CEP128: variants seen among roughly 807,000 people sequenced by gnomAD.
CEP128 encodes centrosomal protein 128, also known as centrosomal protein 128kDa.
CEP128 carries 132 observed loss-of-function variants against 156.7 expected under a neutral mutation model. The ratio of observed to expected loss-of-function variants is 0.84; its 90% confidence interval spans 0.73 to 0.97. CEP128 has a LOEUF of 0.97. Among genes scored for constraint, CEP128 ranks in the 50% least tolerant of loss-of-function variants. CEP128 has a pLI of 0.00. For synonymous variants in CEP128, 469 were observed against 448.9 expected, an observed-to-expected ratio of 1.04 and a Z score of -0.57; for missense variants, 1,252 against 1,281.9, an observed-to-expected ratio of 0.98 and a Z score of 0.36.
At chr14:80,643,069 A>T (rs1894490004) in intron 19 of CEP128, among the ~76,000 whole-genome samples, 1 of 152,188 alleles carries the variant, frequency 6.6e-6, no homozygotes, top group Non-Finnish European at 1.5e-5. Flanking sequence ...ACATATATTA[A>T]GGGTACCTCA....
chr14:80,909,793 A>G (rs1238997340), intron 4 of CEP128, among the ~76,000 whole-genome samples: 1 of 152,222 alleles, frequency 6.6e-6, no homozygotes, highest in Non-Finnish European at 1.5e-5. Flanking sequence ...TAACTCCTAA[A>G]ACACAAAAAC....
At chr14:80,689,701 C>T (rs1896652942) in intron 19 of CEP128, among the ~76,000 whole-genome samples, 1 of 152,000 alleles carries the variant, frequency 6.6e-6, no homozygotes, top group Non-Finnish European at 1.5e-5. Flanking sequence ...TACATATATA[C>T]ATAGACGCAC....
At chr14:80,888,872 T>C (rs755509255) in intron 8 of CEP128, among the ~76,000 whole-genome samples, 1 of 152,180 alleles carries the variant, frequency 6.6e-6, no homozygotes, top group African/African-American at 2.4e-5. Flanking sequence ...ATTTTATATT[T>C]AGAAAACCCC....
At chr14:80,883,098 TC>T (rs1248848913) in intron 8 of CEP128, among the ~76,000 whole-genome samples, 1 of 152,136 alleles carries the variant, frequency 6.6e-6, no homozygotes, top group Non-Finnish European at 1.5e-5. Context: ...TAATGGATAC[TC>T]CATTTACTCT....
intron 8 of CEP128, among the ~76,000 whole-genome samples, chr14:80,877,960 G>A (rs1005481099): frequency 6.6e-6 from 1 of 151,862 alleles, no homozygotes; most frequent in Non-Finnish European, 1.5e-5. Flanking sequence ...CCTACCACCT[G>A]GGTACCTCAG....
At chr14:80,838,046 G>T (rs950563200) in intron 11 of CEP128, among the ~76,000 whole-genome samples, 158 bp downstream of exon 11, 3 of 152,208 alleles carry the variant, frequency 2.0e-5, no homozygotes, top group African/African-American at 7.2e-5. Context: ...TTCCCTGAAA[G>T]AATTTTATCC....
chr14:80,664,279 G>A (rs932924099), intron 19 of CEP128, among the ~76,000 whole-genome samples: 2 of 152,140 alleles, frequency 1.3e-5, no homozygotes, highest in Non-Finnish European at 2.9e-5. Context: ...GGTGTCAGAA[G>A]CAATAGACAG....
At chr14:80,879,037 A>G (rs183737316) in intron 8 of CEP128, among the ~76,000 whole-genome samples, 110 of 152,282 alleles carry the variant, frequency 7.2e-4, no homozygotes, top group Non-Finnish European at 4.3e-4. Context: ...TCACTACCAC[A>G]AATTCCTTCA....
At chr14:80,890,710 G>T (rs1001401379) in intron 8 of CEP128, among the ~76,000 whole-genome samples, 4 of 151,998 alleles carry the variant, frequency 2.6e-5, no homozygotes. Flanking sequence ...GGGTTGATGG[G>T]TGCAGCAAAC....
intron 14 of CEP128, among the ~76,000 whole-genome samples, chr14:80,789,895 T>TTG (rs762980255): frequency 6.6e-6 from 1 of 151,966 alleles, no homozygotes; most frequent in Non-Finnish European, 1.5e-5. Flanking sequence ...TTGTTTTGTT[T>TTG]TTTACCTGCA....
intron 2 of CEP128, among the ~76,000 whole-genome samples, chr14:80,930,310 T>A (rs975219655): frequency 1.3e-5 from 2 of 152,206 alleles, no homozygotes; most frequent in Non-Finnish European, 2.9e-5. Context: ...TAAGTCAGGA[T>A]CTGATACTTC....
chr14:80,617,928 A>G (rs192414831), intron 19 of CEP128, among the ~76,000 whole-genome samples: 1 of 152,378 alleles, frequency 6.6e-6, no homozygotes, highest in East Asian at 1.9e-4. Flanking sequence ...TCACTTAATA[A>G]CCATGTAAGT....
At chr14:80,505,861 A>G (rs1179041701) in intron 23 of CEP128, among the ~76,000 whole-genome samples, 1 of 152,098 alleles carries the variant, frequency 6.6e-6, no homozygotes, top group Non-Finnish European at 1.5e-5. Context: ...TCATTCATTC[A>G]CAATAATTTA....
intron 19 of CEP128, among the ~76,000 whole-genome samples, chr14:80,729,128 T>TGTGTGTGTGTGTGTGTGCGTGTGTG (rs1244814152): frequency 8.1e-6 from 1 of 123,790 alleles, no homozygotes; most frequent in African/African-American, 2.8e-5. Context: ...TGTGTGTGTG[T>TGTGTGTGTGTGTGTGTGCGTGTGTG]TTACCCAGTG....
chr14:80,915,907 T>C (rs1461943837), intron 3 of CEP128, among the ~76,000 whole-genome samples: 1 of 152,248 alleles, frequency 6.6e-6, no homozygotes, highest in Non-Finnish European at 1.5e-5. Flanking sequence ...AACCTGTGTA[T>C]GTATACCTTA....
chr14:80,523,698 C>T (rs1888852532), intron 23 of CEP128, among the ~76,000 whole-genome samples: 1 of 152,188 alleles, frequency 6.6e-6, no homozygotes, highest in African/African-American at 2.4e-5. Flanking sequence ...ACACAGCTGA[C>T]ACTCAATAAA....
chr14:80,695,830 A>T (rs1400057221), intron 19 of CEP128, among the ~76,000 whole-genome samples: 1 of 152,170 alleles, frequency 6.6e-6, no homozygotes, highest in Non-Finnish European at 1.5e-5. Flanking sequence ...AATGGTCCAT[A>T]AAAGACTTAA....
rs184343609 is a variant in CEP128 at position 80,775,257 on chromosome 14, G to T, written c.2376+2625C>A. Among the ~76,000 whole-genome samples the T allele has an allele frequency of 9.8e-5, 15 of 152,292 alleles. No homozygotes were observed. In the East Asian group the frequency reaches 2.7e-3, roughly 27 times the overall value. On this transcript the variant is annotated intron_variant, in intron 16 of 24. Transcript: ENST00000555265. Reference sequence around the variant, plus strand: ...TGCCTAAAGCCACGCAGGTAGGAAAGAATTCAAAGTTTTACGCATAATCAT... The same window carrying T: ...TGCCTAAAGCCACGCAGGTAGGAAATAATTCAAAGTTTTACGCATAATCAT...
Position 80,642,911 on chromosome 14 carries a change from C to T in CEP128, c.2807-62488G>A, listed in dbSNP as rs138539636. Among the ~76,000 whole-genome samples the T allele has an allele frequency of 1.3e-3, 197 of 152,086 alleles. 4 individuals are homozygous for T. The Middle Eastern group carries it at 0.024, about 18-fold the overall frequency. On this transcript the variant is annotated intron_variant, in intron 19 of 24. Transcript: ENST00000555265. ...CTGGGACTACAGGCACGTGCCACCA[C>T]GCCTGGCTAATTTTTTGTATTTTTA... is the stretch of plus-strand genomic sequence containing the variant.
Sources: gnomAD v4.1 joint callset for allele counts (sites outside exome capture counted in the v4.1 genomes callset) on GRCh38, gnomAD v4.1.1 for gene constraint, MANE v1.5 for transcripts, NCBI Gene and HGNC (gene_info 2026-07-23, HGNC 2026-07-21) for gene names.